The following ZNRF3 variants were observed in gnomAD, a reference collection of about 807,000 sequenced individuals.
The protein encoded by ZNRF3 is E3 ubiquitin-protein ligase ZNRF3.
ZNRF3 carries 23 observed loss-of-function variants against 72.5 expected under a neutral mutation model. The observed-to-expected ratio is 0.32, with a 90% CI of 0.23 to 0.45. The LOEUF (loss-of-function observed/expected upper bound fraction) is 0.45, where lower values mean the gene tolerates loss of function less well. Among genes scored for constraint, ZNRF3 ranks in the 20% least tolerant of loss-of-function variants. The probability of loss-of-function intolerance (pLI) is 1.00; values close to 1 mark genes in which losing one functional copy is unlikely to be tolerated. For synonymous variants in ZNRF3, 610 were observed against 545.3 expected (o/e 1.12, Z -1.65); for missense variants, 1,169 against 1,272.1 (o/e 0.92, Z 1.23).
chr22:29,006,213 C>CTTTTTTTTTTT (rs372438825), intron 2 of ZNRF3, among the ~76,000 whole-genome samples: 11 of 106,510 alleles, frequency 1.0e-4, no homozygotes, highest in African/African-American at 1.9e-4. Flanking sequence ...TCATCCGTTT[C>CTTTTTTTTTTT]TTTTTTTTTT....
At chr22:29,043,068 G>A (rs984476719) in intron 3 of ZNRF3, among the ~76,000 whole-genome samples, 32 of 152,006 alleles carry the variant, frequency 2.1e-4, no homozygotes, top group African/African-American at 6.5e-4. Flanking sequence ...CCACTGCACC[G>A]GGTTCAGGGG....
Position 28,984,108 on chromosome 22 carries a change from G to A in ZNRF3, c.301-2968G>A, listed in dbSNP as rs5762932. On this transcript the variant is annotated intron_variant, in intron 1 of 8. Transcript: ENST00000544604. ...AAGTCATTCCTGAGTAAGCTCTTAGGACAGTTGCTTGTTTTTTTTTTTTAA... is the reference window on the plus strand; with the variant it reads ...AAGTCATTCCTGAGTAAGCTCTTAGAACAGTTGCTTGTTTTTTTTTTTTAA... Among the ~76,000 whole-genome samples, 587 of 150,676 alleles carry A rather than the reference G, an allele frequency of 3.9e-3. 26 individuals carry two copies. The East Asian group carries it at 0.092, about 24-fold the overall frequency.
chr22:28,977,473 C>CT (rs2035695858), intron 1 of ZNRF3, among the ~76,000 whole-genome samples: 1 of 152,112 alleles, frequency 6.6e-6, no homozygotes. Context: ...TGCGTCTGTC[C>CT]TTTTTCCTTT....
At position 28,975,465 on chromosome 22, in the gene ZNRF3, G is replaced by A. The variant is rs1163367196; in HGVS notation, c.301-11611G>A. On this transcript the variant is annotated intron_variant, in intron 1 of 8. Transcript: ENST00000544604. ...TGTAGTGAGCCGAGATCGAGATCGG[G>A]CCACTGCACTCCAGCCTGGGAGACA... Among the ~76,000 whole-genome samples, 9 of 136,906 alleles carry A rather than the reference G, an allele frequency of 6.6e-5. No individual in the cohort carries two copies. The East Asian group carries it at 1.8e-3, about 27-fold the overall frequency. The allele number at this position is 136,906 out of a possible 152,430, so 89.8% of individuals were successfully genotyped here.
chr22:28,952,706 C>T (rs1255253159), intron 1 of ZNRF3, among the ~76,000 whole-genome samples: 4 of 151,892 alleles, frequency 2.6e-5, no homozygotes, highest in African/African-American at 4.8e-5. Flanking sequence ...TTTCTGGTGT[C>T]GAGCTTTGAC....
intron 1 of ZNRF3, among the ~76,000 whole-genome samples, chr22:28,982,268 A>AGCAGGAGT (rs1393293072): frequency 1.3e-5 from 2 of 152,138 alleles, no homozygotes; most frequent in Non-Finnish European, 2.9e-5. Flanking sequence ...TCCAACAATT[A>AGCAGGAGT]GCAGGAGTTC....
intron 2 of ZNRF3, among the ~76,000 whole-genome samples, chr22:28,988,818 C>A (rs1031335841): frequency 6.6e-6 from 1 of 152,124 alleles, no homozygotes; most frequent in African/African-American, 2.4e-5. Flanking sequence ...TTGCTTTGCC[C>A]CGGTCTGGTG....
chr22:28,893,892 C>T (rs567569039), intron 1 of ZNRF3, among the ~76,000 whole-genome samples: 52 of 152,222 alleles, frequency 3.4e-4, no homozygotes, highest in African/African-American at 1.2e-3. Flanking sequence ...TTTTAGATTG[C>T]TCTACAGGAG....
At chr22:28,974,387 C>T (rs1419385121) in intron 1 of ZNRF3, among the ~76,000 whole-genome samples, 1 of 152,168 alleles carries the variant, frequency 6.6e-6, no homozygotes, top group Non-Finnish European at 1.5e-5. Flanking sequence ...GGTCACCTGT[C>T]CTGTCAGCAG....
intron 1 of ZNRF3, among the ~76,000 whole-genome samples, chr22:28,896,988 T>TG (rs1388108113): frequency 6.6e-6 from 1 of 152,200 alleles, no homozygotes; most frequent in East Asian, 1.9e-4. Context: ...AGACTGGACT[T>TG]GAACTCTTGG....
At chr22:28,981,687 A>G (rs1184753177) in intron 1 of ZNRF3, among the ~76,000 whole-genome samples, 1 of 152,186 alleles carries the variant, frequency 6.6e-6, no homozygotes, top group Admixed American at 6.5e-5. Flanking sequence ...GACTGTGCAT[A>G]TAGCATCCTT....
chr22:28,953,948 C>T (rs2035210722), intron 1 of ZNRF3, among the ~76,000 whole-genome samples: 1 of 152,196 alleles, frequency 6.6e-6, no homozygotes, highest in African/African-American at 2.4e-5. Flanking sequence ...CTGCCATTGA[C>T]TGCCATTGAT....
At chr22:28,907,961 G>A (rs1158324130) in intron 1 of ZNRF3, among the ~76,000 whole-genome samples, 1 of 152,196 alleles carries the variant, frequency 6.6e-6, no homozygotes, top group Admixed American at 6.5e-5. Flanking sequence ...AGGGAAGTGG[G>A]CGTTTTCTAA....
Position 29,049,655 on chromosome 22 carries a change from C to T in ZNRF3, c.1474C>T (p.Pro492Ser), listed in dbSNP as rs1380715768. The change falls in exon 8 of 9, where the codon CCC (proline) becomes TCC (serine). Residue 492 changes from proline to serine, a missense_variant. Pro to Ser is a moderately conservative substitution (Grantham distance 74). Around this residue, in one of 2 missense-constraint regions of ZNRF3, gnomAD observed 783 missense variants for 731.4 expected, o/e 1.07. Coordinates refer to ENST00000544604, the MANE Select transcript of ZNRF3 (RefSeq NM_001206998.2). The surrounding 1 kb of genome is among the most constrained non-coding windows in gnomAD (Gnocchi z 5.2). ...QEGQSPPSLA[P>S]RGPARAFPPS... ...GGGGCAGTCCCCACCTAGCCTCGCA[C>T]CCCGGGGCCCGGCCCGTGCCTTTCC... 4.3e-6 allele frequency: 7 copies of T among 1,609,688 alleles called. 1 individual carries two copies. The highest frequency in any genetic ancestry group is 3.3e-4 in the Middle Eastern group (2 of 6,058).
chr22:28,884,536 C>T (rs78705611), intron 1 of ZNRF3, among the ~76,000 whole-genome samples: 6,799 of 152,256 alleles, frequency 0.045, 222 homozygotes, highest in Non-Finnish European at 0.068. Context: ...TCGGGTTCTT[C>T]CCCGGAACCT....
intron 1 of ZNRF3, among the ~76,000 whole-genome samples, chr22:28,918,257 C>T (rs574733456): frequency 6.6e-6 from 1 of 152,188 alleles, no homozygotes; most frequent in East Asian, 1.9e-4. Context: ...GTTTACACTC[C>T]TCCCTGGGCT....
Position 29,030,893 on chromosome 22 carries a change from C to T in ZNRF3, c.427-11602C>T, listed in dbSNP as rs1238769785. 6.6e-6 allele frequency among the ~76,000 whole-genome samples: 1 copy of T among 152,210 alleles called. No individual in the cohort carries two copies. The highest frequency in any genetic ancestry group is 2.4e-5 in the African/African-American group (1 of 41,448). On this transcript the variant is annotated intron_variant, in intron 2 of 8. Transcript: ENST00000544604. The surrounding 1 kb of genome is among the most constrained non-coding windows in gnomAD (Gnocchi z 4.2). ...GTGTTTGTGGCTTCAGCGCTTTGAT[C>T]TCCTGCCAGGGAAACCTGGAAGGTC...
At chr22:29,037,390 A>G (rs2036886019) in intron 2 of ZNRF3, among the ~76,000 whole-genome samples, 1 of 152,236 alleles carries the variant, frequency 6.6e-6, no homozygotes, top group African/African-American at 2.4e-5. Flanking sequence ...TTGCACTGGA[A>G]CATTCTAGAC....
At chr22:29,032,649 G>A (rs1205599354) in intron 2 of ZNRF3, among the ~76,000 whole-genome samples, 1 of 152,212 alleles carries the variant, frequency 6.6e-6, no homozygotes, top group Non-Finnish European at 1.5e-5. Context: ...AGAGTGAGCT[G>A]CAATCAGTGC....
Sources: allele counts gnomAD v4.1 joint callset (sites outside exome capture counted in the v4.1 genomes callset), GRCh38; gene constraint gnomAD v4.1.1; regional missense constraint gnomAD v4.1.1; non-coding constraint Gnocchi (gnomAD v3.1); transcripts MANE v1.5; gene names NCBI Gene and HGNC (gene_info 2026-07-23, HGNC 2026-07-21).